The following CBLB variants were observed in gnomAD, a reference collection of about 807,000 sequenced individuals.
CBLB encodes the protein Cbl proto-oncogene B, also known as E3 ubiquitin-protein ligase CBL-B.
A neutral mutation model predicts 104.9 loss-of-function variants in CBLB; 31 were observed. That is an observed-to-expected ratio of 0.30 (90% CI 0.22 to 0.40). The LOEUF is 0.40. Ranked by LOEUF, CBLB falls within the 10% of genes least tolerant of loss-of-function variation. The pLI, the probability that CBLB is intolerant of heterozygous loss-of-function variation, is 1.00. For synonymous variants in CBLB, 440 were observed against 422.6 expected (o/e 1.04, Z -0.51); for missense variants, 1,062 against 1,214.6 (o/e 0.87, Z 1.87).
intron 3 of CBLB, among the ~76,000 whole-genome samples, chr3:105,837,197 C>T (rs561945557): frequency 3.3e-5 from 5 of 152,322 alleles, no homozygotes; most frequent in South Asian, 2.1e-4. Context: ...ACATTGTGCA[C>T]GCGTATTAAT....
At chr3:105,768,276 T>C (rs2078452399) in intron 4 of CBLB, among the ~76,000 whole-genome samples, 1 of 152,132 alleles carries the variant, frequency 6.6e-6, no homozygotes, top group African/African-American at 2.4e-5. Flanking sequence ...CAATATTATC[T>C]TTGAGGGATT....
At chr3:105,798,085 T>A (rs1317103486) in intron 3 of CBLB, among the ~76,000 whole-genome samples, 1 of 152,226 alleles carries the variant, frequency 6.6e-6, no homozygotes, top group Non-Finnish European at 1.5e-5. Context: ...AGGAACACAT[T>A]TAGTTTTTGT....
At chr3:105,704,918 TTG>T (rs749885567) in intron 10 of CBLB, among the ~76,000 whole-genome samples, 1 of 151,918 alleles carries the variant, frequency 6.6e-6, no homozygotes, top group Non-Finnish European at 1.5e-5. Flanking sequence ...TGTTGTGTGT[TTG>T]TGTGTGTGTG....
chr3:105,819,715 C>T (rs2085562317), intron 3 of CBLB, among the ~76,000 whole-genome samples: 1 of 152,182 alleles, frequency 6.6e-6, no homozygotes, highest in Non-Finnish European at 1.5e-5. Context: ...GTTGGACTCA[C>T]TGTCTTACAT....
At chr3:105,712,069 A>T (rs1327824981) in intron 10 of CBLB, among the ~76,000 whole-genome samples, 1 of 152,132 alleles carries the variant, frequency 6.6e-6, no homozygotes, top group Non-Finnish European at 1.5e-5. Context: ...TGCTCTACTG[A>T]AATATTAAAC....
In CBLB at chr3:105,773,420, T is replaced by C. The variant is rs1205809719; in HGVS notation, c.566+2976A>G. 2.0e-5 allele frequency among the ~76,000 whole-genome samples: 3 copies of C among 152,288 alleles called. No individual in the cohort carries two copies. In the East Asian group the frequency reaches 5.8e-4, roughly 29 times the overall value. On this transcript the variant is annotated intron_variant, in intron 4 of 18. Coordinates refer to ENST00000394030, the MANE Select transcript of CBLB (RefSeq NM_170662.5). The stretch of plus-strand genomic sequence containing the variant: ...GAGAGAGGGGTAAGGGATAAAAGAC[T>C]ACACTACATATTAGGTACAGTGTGC...
intron 3 of CBLB, among the ~76,000 whole-genome samples, chr3:105,828,292 A>T (rs908489575): frequency 2.0e-5 from 3 of 152,214 alleles, no homozygotes; most frequent in African/African-American, 7.2e-5. Context: ...AACCCAGGAA[A>T]TGCTATCTTT....
intron 3 of CBLB, among the ~76,000 whole-genome samples, chr3:105,804,729 A>C (rs2153025346): frequency 6.6e-6 from 1 of 151,856 alleles, no homozygotes; most frequent in Non-Finnish European, 1.5e-5. Context: ...TTGTCCTTAA[A>C]GTTCACCAGC....
At chr3:105,867,936 C>T (rs1055482438) in intron 1 of CBLB, among the ~76,000 whole-genome samples, 4 of 149,818 alleles carry the variant, frequency 2.7e-5, no homozygotes, top group African/African-American at 9.8e-5. Context: ...TAGATAAAAA[C>T]AGAATGTTCT....
chr3:105,694,164 ATTT>A (rs2068051649), intron 12 of CBLB, among the ~76,000 whole-genome samples: 1 of 151,862 alleles, frequency 6.6e-6, no homozygotes, highest in South Asian at 2.1e-4. Context: ...TTTAAACAAA[ATTT>A]TCAGTTTGTG....
intron 8 of CBLB, 93 bp downstream of exon 8, chr3:105,737,078 G>T: frequency 1.8e-6 from 1 of 567,614 alleles, no homozygotes; most frequent in South Asian, 3.0e-5. Flanking sequence ...TTAAATACCT[G>T]TGCATGATTT....
At chr3:105,772,631 A>G (rs1219172880) in intron 4 of CBLB, among the ~76,000 whole-genome samples, 1 of 152,236 alleles carries the variant, frequency 6.6e-6, no homozygotes, top group Non-Finnish European at 1.5e-5. Context: ...ACAACGGACT[A>G]GTATCTAGAA....
chr3:105,746,390 A>G (rs888263851), intron 5 of CBLB, among the ~76,000 whole-genome samples: 2 of 152,240 alleles, frequency 1.3e-5, no homozygotes, highest in African/African-American at 4.8e-5. Flanking sequence ...AACTTTGAAT[A>G]AAAGTCAAAG....
intron 12 of CBLB, among the ~76,000 whole-genome samples, chr3:105,699,690 A>G (rs962554480): frequency 6.6e-6 from 1 of 152,224 alleles, no homozygotes; most frequent in South Asian, 2.1e-4. Context: ...GGTATGCCCT[A>G]TGATCTAATG....
chr3:105,754,037 G>A (rs1385615738), intron 4 of CBLB, among the ~76,000 whole-genome samples: 2 of 152,050 alleles, frequency 1.3e-5, no homozygotes, highest in Admixed American at 1.3e-4. Context: ...AGGGAGCCAG[G>A]GCACTATTTT....
At position 105,722,831 on chromosome 3, in the gene CBLB, A is replaced by G. The variant is rs1266824466; in HGVS notation, c.1204-2581T>C. ...CTGTGTCTTTATAGCACAAGAAAAA[A>G]CAAAGAACTGTTCATCTAAAACTGA... On this transcript the variant is annotated intron_variant, in intron 9 of 18. Transcript: ENST00000394030. 3.3e-5 allele frequency among the ~76,000 whole-genome samples: 5 copies of G among 152,214 alleles called. No homozygotes were observed. The East Asian group carries it at 9.6e-4, about 29-fold the overall frequency.
chr3:105,847,736 T>G (rs2090459786), intron 3 of CBLB, among the ~76,000 whole-genome samples: 1 of 152,008 alleles, frequency 6.6e-6, no homozygotes. Context: ...TCTGAGTGTT[T>G]TAAAAAACAC....
intron 12 of CBLB, among the ~76,000 whole-genome samples, chr3:105,697,722 T>C (rs1362483869): frequency 6.6e-6 from 1 of 151,992 alleles, no homozygotes; most frequent in Non-Finnish European, 1.5e-5. Context: ...TGCAGCATCT[T>C]CAAAAGATTA....
intron 9 of CBLB, chr3:105,724,118 T>G: frequency 5.7e-6 from 1 of 175,300 alleles, no homozygotes; most frequent in Non-Finnish European, 1.2e-5. Flanking sequence ...ATAAATGCAC[T>G]GAGAATAGGT....
Sources: gnomAD v4.1 joint callset for allele counts (sites outside exome capture counted in the v4.1 genomes callset) on GRCh38, gnomAD v4.1.1 for gene constraint, MANE v1.5 for transcripts, NCBI Gene and HGNC (gene_info 2026-07-23, HGNC 2026-07-21) for gene names.